Variants in DLG2 observed in about 807,000 individuals in gnomAD.
The protein encoded by DLG2 is discs large MAGUK scaffold protein 2.
A neutral mutation model predicts 132.5 loss-of-function variants in DLG2; 45 were observed. The observed-to-expected ratio is 0.34, with a 90% CI of 0.27 to 0.44. The LOEUF (loss-of-function observed/expected upper bound fraction) is 0.44, where lower values mean the gene tolerates loss of function less well. Ranked by LOEUF, DLG2 falls within the 20% of genes least tolerant of loss-of-function variation. The pLI is 1.00. For synonymous variants in DLG2, 424 were observed against 419.6 expected, an observed-to-expected ratio of 1.01 and a Z score of -0.13; for missense variants, 1,045 against 1,196.9, an observed-to-expected ratio of 0.87 and a Z score of 1.87.
At position 84,861,638 on chromosome 11, in the gene DLG2, AAC is replaced by A. The variant is rs748565271; in HGVS notation, c.357+250021_357+250022del. Among the ~76,000 whole-genome samples, 501 of 66,234 alleles carry A rather than the reference AAC, an allele frequency of 7.6e-3. 68 individuals carry two copies. Among genetic ancestry groups the A allele is most frequent in the Non-Finnish European group, 1.0e-2 (302 of 30,290 alleles). 43.5% of individuals were successfully genotyped at this position (66,234 alleles called of 152,430 possible). On this transcript the variant is annotated intron_variant, in intron 6 of 27. Transcript: ENST00000376104. ...CACAGCAAAAAAAAAAAAAAAAAAA[AAC>A]AAAAAAAAAAACCTATCAGAGGGAA...
intron 19 of DLG2, among the ~76,000 whole-genome samples, chr11:83,616,302 T>G (rs1417227132): frequency 6.6e-6 from 1 of 152,140 alleles, no homozygotes; most frequent in African/African-American, 2.4e-5. Context: ...TGATAGATAC[T>G]GACAAAAAAT....
chr11:84,880,846 G>C (rs2087201807), intron 6 of DLG2, among the ~76,000 whole-genome samples: 1 of 152,030 alleles, frequency 6.6e-6, no homozygotes, highest in Admixed American at 6.6e-5. Context: ...ACTATCTTTT[G>C]ACTTGTACTG....
At chr11:85,375,177 A>G (rs1186018797) in intron 3 of DLG2, among the ~76,000 whole-genome samples, 1 of 151,948 alleles carries the variant, frequency 6.6e-6, no homozygotes, top group African/African-American at 2.4e-5. Flanking sequence ...GGATATAAAC[A>G]TCCTCATTTC....
At chr11:85,455,969 C>T (rs890348699) in intron 3 of DLG2, among the ~76,000 whole-genome samples, 7 of 151,808 alleles carry the variant, frequency 4.6e-5, no homozygotes, top group African/African-American at 1.7e-4. Flanking sequence ...AGATGTTCAG[C>T]TTTTTATTGT....
At chr11:84,023,142 A>G (rs2095441885) in intron 11 of DLG2, among the ~76,000 whole-genome samples, 1 of 152,170 alleles carries the variant, frequency 6.6e-6, no homozygotes, top group Non-Finnish European at 1.5e-5. Context: ...TCACTACTAA[A>G]ATTATAAATA....
chr11:84,939,438 A>G (rs2049126473), intron 6 of DLG2, among the ~76,000 whole-genome samples: 1 of 152,146 alleles, frequency 6.6e-6, no homozygotes, highest in Non-Finnish European at 1.5e-5. Flanking sequence ...TTTGAAATGT[A>G]TAATAAATTT....
intron 15 of DLG2, among the ~76,000 whole-genome samples, chr11:83,901,604 C>A (rs1322103961): frequency 1.3e-5 from 2 of 152,186 alleles, no homozygotes; most frequent in Admixed American, 6.6e-5. Flanking sequence ...GTGAGGTTTT[C>A]CCAGCCATGT....
intron 11 of DLG2, among the ~76,000 whole-genome samples, chr11:84,003,030 T>A (rs2094429164): frequency 1.3e-5 from 2 of 152,200 alleles, no homozygotes; most frequent in South Asian, 4.1e-4. Context: ...AGAAATTTCT[T>A]TCACCAGATA....
intron 3 of DLG2, among the ~76,000 whole-genome samples, chr11:85,583,056 AAATATAT>A (rs1176314761): frequency 1.0e-3 from 110 of 108,272 alleles, no homozygotes; most frequent in African/African-American, 4.2e-3. Flanking sequence ...GGGAAAAAAA[AAATATAT>A]ATATATATAT....
intron 6 of DLG2, among the ~76,000 whole-genome samples, chr11:84,772,176 AG>A (rs1282435392): frequency 6.6e-6 from 1 of 152,162 alleles, no homozygotes; most frequent in East Asian, 1.9e-4. Flanking sequence ...CAAAAAAAAA[AG>A]AAGGGCATTA....
chr11:83,896,124 T>C (rs2071598767), intron 15 of DLG2, among the ~76,000 whole-genome samples: 1 of 152,144 alleles, frequency 6.6e-6, no homozygotes, highest in Admixed American at 6.5e-5. Context: ...ACAAATTCAC[T>C]AAAAAGGACA....
intron 6 of DLG2, among the ~76,000 whole-genome samples, chr11:84,708,021 T>A (rs2059960164): frequency 6.6e-6 from 1 of 151,762 alleles, no homozygotes; most frequent in Admixed American, 6.6e-5. Flanking sequence ...TTGGGCTTGG[T>A]CACTTTGGGC....
Position 84,255,891 on chromosome 11 carries a change from G to T in DLG2, c.520-4600C>A, listed in dbSNP as rs537686222. Among the ~76,000 whole-genome samples the T allele has an allele frequency of 3.1e-4, 47 of 151,892 alleles. 1 individual carries two copies. In the South Asian group the frequency reaches 9.7e-3, roughly 31 times the overall value. On this transcript the variant is annotated intron_variant, in intron 7 of 27. Coordinates refer to ENST00000376104, the MANE Select transcript of DLG2 (RefSeq NM_001142699.3). ...ACCAAACTATGAAGCCTTTTTTTGT[G>T]TTGTTTGCCTTTTACATGACATTCT...
At chr11:85,184,795 A>G (rs2152519168) in intron 4 of DLG2, among the ~76,000 whole-genome samples, 1 of 152,096 alleles carries the variant, frequency 6.6e-6, no homozygotes, top group African/African-American at 2.4e-5. Context: ...AAAAAATAAA[A>G]GCAAGTTACC....
At chr11:84,832,725 G>A (rs1402057264) in intron 6 of DLG2, among the ~76,000 whole-genome samples, 2 of 151,360 alleles carry the variant, frequency 1.3e-5, no homozygotes, top group Non-Finnish European at 3.0e-5. Flanking sequence ...GTTATTTACC[G>A]ACCTAAGATT....
At chr11:85,122,957 A>ATATAT (rs2074542517) in intron 5 of DLG2, among the ~76,000 whole-genome samples, 3 of 44,188 alleles carry the variant, frequency 6.8e-5, no homozygotes, top group South Asian at 2.3e-3. Context: ...TATTATATAT[A>ATATAT]TATATATATA....
chr11:83,765,346 C>G (rs1209926357), intron 18 of DLG2, among the ~76,000 whole-genome samples: 1 of 152,160 alleles, frequency 6.6e-6, no homozygotes, highest in Non-Finnish European at 1.5e-5. Context: ...TACTGAGAGG[C>G]AGCAGATTTG....
chr11:84,755,946 T>G (rs961614856), intron 6 of DLG2, among the ~76,000 whole-genome samples: 2 of 152,210 alleles, frequency 1.3e-5, no homozygotes, highest in African/African-American at 4.8e-5. Flanking sequence ...TAACTAGATA[T>G]GTAAAAATGA....
intron 6 of DLG2, among the ~76,000 whole-genome samples, chr11:84,910,762 AAAC>A (rs59825403): frequency 0.4 from 55,882 of 141,196 alleles, 10,919 homozygotes; most frequent in South Asian, 0.51. Context: ...AAGGAAGAAA[AAAC>A]AACAACAACA....
Sources: gnomAD v4.1 joint callset for allele counts (sites outside exome capture counted in the v4.1 genomes callset) on GRCh38, gnomAD v4.1.1 for gene constraint, MANE v1.5 for transcripts, NCBI Gene and HGNC (gene_info 2026-07-23, HGNC 2026-07-21) for gene names.